The following DHX37 variants were observed in gnomAD, a reference collection of about 807,000 sequenced individuals.
DHX37 encodes the protein probable ATP-dependent RNA helicase DHX37.
In DHX37, 52 loss-of-function variants were observed where a neutral mutation model predicts 134.3. The observed-to-expected ratio is 0.39, with a 90% confidence interval of 0.31 to 0.49. The LOEUF is 0.49. Ranked by LOEUF, DHX37 falls within the 20% of genes least tolerant of loss-of-function variation. DHX37 has a pLI of 0.93. For missense variants in DHX37, 1,344 were observed against 1,580.8 expected (o/e 0.85, Z 2.54); for synonymous variants, 634 against 670.7 (o/e 0.95, Z 0.85).
chr12:124,984,360 C>T (rs1954822806), intron 2 of DHX37, among the ~76,000 whole-genome samples: 1 of 152,072 alleles, frequency 6.6e-6, no homozygotes. Flanking sequence ...TGGAGAAACC[C>T]TGTCTCTATT....
intron 16 of DHX37, among the ~76,000 whole-genome samples, chr12:124,959,036 A>G (rs890897126): frequency 4.1e-5 from 6 of 146,920 alleles, no homozygotes; most frequent in Non-Finnish European, 8.9e-5. Flanking sequence ...CAGCCTCCCA[A>G]GTAGCTGGGA....
At chr12:124,988,731 A>G (rs1330745357) in intron 1 of DHX37, among the ~76,000 whole-genome samples, 186 bp downstream of exon 1, 4 of 151,884 alleles carry the variant, frequency 2.6e-5, no homozygotes, top group East Asian at 1.9e-4. Context: ...TATTCCATAT[A>G]CACTGTTAAA....
intron 16 of DHX37, among the ~76,000 whole-genome samples, chr12:124,958,442 G>A (rs561961975): frequency 3.9e-5 from 6 of 152,218 alleles, no homozygotes; most frequent in Non-Finnish European, 8.8e-5. Context: ...GCCACACTGA[G>A]CTCCCAGCCC....
At chr12:124,957,864 G>A (rs1185362820) in intron 16 of DHX37, among the ~76,000 whole-genome samples, 1 of 152,192 alleles carries the variant, frequency 6.6e-6, no homozygotes, top group Non-Finnish European at 1.5e-5. Context: ...CTGAATGGAG[G>A]AGTGCATGAA....
At chr12:124,962,977 A>G (rs981007235) in intron 15 of DHX37, among the ~76,000 whole-genome samples, 2 of 152,244 alleles carry the variant, frequency 1.3e-5, no homozygotes, top group African/African-American at 4.8e-5. Flanking sequence ...CAGAGTTACC[A>G]TACGGCCCAG....
In DHX37 at chr12:124,975,309, C is replaced by T; in HGVS notation, c.980+110G>A. ...CAGTGCTACATGCAGAGGTGACACT[C>T]CACCCAGCACCCTCGGCACAGATGC... On this transcript the variant is annotated intron_variant, in intron 6 of 26. Coordinates refer to ENST00000308736, the MANE Select transcript of DHX37 (RefSeq NM_032656.4). The T allele has an allele frequency of 1.1e-5, 12 of 1,120,080 alleles. No individual in the cohort carries two copies. The South Asian group carries it at 1.7e-4, about 16-fold the overall frequency. 69.4% of individuals were successfully genotyped at this position (1,120,080 alleles called of 1,614,324 possible). A position where few individuals can be genotyped will look rare whatever the true frequency, so the allele number is the denominator to read the frequency against.
In DHX37 at chr12:124,960,407, C is replaced by A; in HGVS notation, c.2062G>T (p.Val688Phe). 1 of 1,611,880 alleles carries A rather than the reference C, an allele frequency of 6.2e-7. No individual in the cohort carries two copies. Residue 688 changes from valine (V) to phenylalanine (F), a missense_variant, in exon 16 of 27, where the codon GTT (valine) becomes TTT (phenylalanine). By Grantham distance (50) the Val-to-Phe change is conservative (BLOSUM62 -1). This residue lies in a region of DHX37 where 558 missense variants were observed against 650.0 expected (regional missense o/e 0.86). Transcript: ENST00000308736. ...GHCYRLYSSA[V>F]FGDFEQFPPP... Reference sequence around the variant, plus strand: ...GGAAACTGCTCGAAGTCACCAAAAACCGCAGATGAATACAGCCTGGATGGA... The same window carrying A: ...GGAAACTGCTCGAAGTCACCAAAAAACGCAGATGAATACAGCCTGGATGGA...
chr12:124,982,435 G>A (rs994684470), intron 3 of DHX37, 76 bp downstream of exon 3: 33 of 1,539,376 alleles, frequency 2.1e-5, no homozygotes, highest in African/African-American at 5.5e-5. Flanking sequence ...CACCCCCAGA[G>A]GACCCCATAA....
chr12:124,951,191 G>T (rs1953971182), intron 21 of DHX37, among the ~76,000 whole-genome samples: 1 of 151,436 alleles, frequency 6.6e-6, no homozygotes, highest in Non-Finnish European at 1.5e-5. Flanking sequence ...TGAGGCAGGA[G>T]AATTGCTTGA....
At chr12:124,964,362 A>T in intron 15 of DHX37, 32 bp downstream of exon 15, 1 of 1,609,352 alleles carries the variant, frequency 6.2e-7, no homozygotes, top group Non-Finnish European at 8.5e-7. Context: ...AGGCGGCACC[A>T]ACGTCCCTGA....
At chr12:124,958,680 G>A (rs1954155699) in intron 16 of DHX37, among the ~76,000 whole-genome samples, 1 of 152,036 alleles carries the variant, frequency 6.6e-6, no homozygotes, top group South Asian at 2.1e-4. Context: ...AGGCTAGAGT[G>A]CAACGGCGTG....
In DHX37 at chr12:124,972,585, T is replaced by C. The variant is rs995745981; in HGVS notation, c.995A>G (p.Gln332Arg). The change falls in exon 7 of 27, where the codon CAG becomes CGG. Residue 332 changes from glutamine to arginine, a missense_variant. Physicochemically the swap from Gln to Arg is conservative, Grantham distance 43. Around this residue, in one of 7 missense-constraint regions of DHX37, gnomAD observed 30 missense variants for 72.5 expected, o/e 0.41. Coordinates refer to ENST00000308736, the MANE Select transcript of DHX37 (RefSeq NM_032656.4). ...MNLSQRVVSYQIRYEGNVTEE... is the reference protein window; with the variant it reads ...MNLSQRVVSYRIRYEGNVTEE... ...TGTCACGTTTCCTTCATACCGGATC[T>C]GGTAGGAGACGACCCTGTATGGGCA... is the stretch of plus-strand genomic sequence containing the variant. 1.2e-6 allele frequency: 2 copies of C among 1,614,184 alleles called. No individual in the cohort carries two copies. Among genetic ancestry groups the C allele is most frequent in the East Asian group, 2.2e-5 (1 of 44,886 alleles).
chr12:124,960,315 T>C lies in DHX37; in HGVS notation c.2154A>G (p.Glu718=). 1.2e-6 allele frequency: 2 copies of C among 1,612,660 alleles called. No individual in the cohort carries two copies. The highest frequency in any genetic ancestry group is 1.7e-6 in the Non-Finnish European group (2 of 1,178,994). Residue 718 remains glutamate, a synonymous_variant, in exon 16 of 27, where the codon GAA becomes GAG. Transcript: ENST00000308736. ...LILQMKALNV[E]KVINFPFPTP... The stretch of plus-strand genomic sequence containing the variant: ...GGGGCTGGGGGCAGCAACTGACCTT[T>C]TCAACGTTGAGCGCCTTCATTTGAA...
Position 124,964,933 on chromosome 12 carries a change from T to C in DHX37, c.1809A>G (p.Ala603=). The C allele has an allele frequency of 6.3e-7, 1 of 1,591,774 alleles. No homozygotes were observed. The highest frequency in any genetic ancestry group is 1.2e-5 in the South Asian group (1 of 86,918). ...LYSLLAPEKQ[A]QVFKPPPEGT... ...GGCACCGGCCCAGCACGGTTACCTGTGCTTGCTTCTCTGGGGCCAGCAGAG... is the reference window on the plus strand; with the variant it reads ...GGCACCGGCCCAGCACGGTTACCTGCGCTTGCTTCTCTGGGGCCAGCAGAG... The change falls in exon 14 of 27, where the codon GCA becomes GCG. Residue 603 remains alanine, a synonymous_variant. Coordinates refer to ENST00000308736, the MANE Select transcript of DHX37 (RefSeq NM_032656.4).
intron 11 of DHX37, 30 bp downstream of exon 11, chr12:124,967,093 G>A (rs1410917165): frequency 1.1e-5 from 17 of 1,610,724 alleles, no homozygotes; most frequent in Middle Eastern, 1.6e-4. Context: ...GCTGCTCAGG[G>A]CAGAGTGCTG....
intron 18 of DHX37, 67 bp from the exon 19 acceptor site, chr12:124,954,278 A>T (rs372411913): frequency 1.3e-5 from 19 of 1,507,438 alleles, no homozygotes; most frequent in African/African-American, 4.2e-5. Context: ...AGCGGGGGGA[A>T]CTCCTTTATT....
chr12:124,969,732 G>A (rs893022390), intron 8 of DHX37, among the ~76,000 whole-genome samples: 5 of 152,036 alleles, frequency 3.3e-5, no homozygotes, highest in African/African-American at 1.2e-4. Flanking sequence ...CTGCTGGTGC[G>A]GAAGTACCAT....
At chr12:124,961,300 ACG>A (rs1264098108) in intron 15 of DHX37, among the ~76,000 whole-genome samples, 4 of 141,068 alleles carry the variant, frequency 2.8e-5, no homozygotes, top group African/African-American at 5.4e-5. Flanking sequence ...ACACGCGTGC[ACG>A]CACGCACACA....
At chr12:124,967,262 A>T in intron 10 of DHX37, 44 bp from the exon 11 acceptor site, 1 of 1,596,666 alleles carries the variant, frequency 6.3e-7, no homozygotes, top group Non-Finnish European at 8.5e-7. Flanking sequence ...AGTCACTCAC[A>T]AACATTTGCT....
Sources: gnomAD v4.1 joint callset for allele counts (sites outside exome capture counted in the v4.1 genomes callset) on GRCh38, gnomAD v4.1.1 for gene constraint, gnomAD v4.1.1 regional missense constraint, MANE v1.5 for transcripts, NCBI Gene and HGNC (gene_info 2026-07-23, HGNC 2026-07-21) for gene names.